The following BCAS3 variants were observed in gnomAD, a reference collection of about 807,000 sequenced individuals.
BCAS3 encodes BCAS4/BCAS3 fusion.
In BCAS3, 53 loss-of-function variants were observed where a neutral mutation model predicts 116.1. The observed-to-expected ratio is 0.46, with a 90% CI of 0.37 to 0.57. The LOEUF (loss-of-function observed/expected upper bound fraction) is 0.57, where lower values mean the gene tolerates loss of function less well. BCAS3 is among the 20% of genes least tolerant of loss of function. The pLI is 0.00. For missense variants in BCAS3, 917 were observed against 1,165.4 expected (o/e 0.79, Z 3.10); for synonymous variants, 391 against 408.2 (o/e 0.96, Z 0.51).
chr17:60,809,472 A>AC (rs2048593024), intron 7 of BCAS3, among the ~76,000 whole-genome samples: 2 of 151,992 alleles, frequency 1.3e-5, no homozygotes, highest in South Asian at 4.2e-4. Flanking sequence ...CTCCTGTCCC[A>AC]CTCCACACTT....
intron 22 of BCAS3, among the ~76,000 whole-genome samples, chr17:61,292,118 A>G (rs923206791): frequency 6.6e-6 from 1 of 152,082 alleles, no homozygotes; most frequent in Non-Finnish European, 1.5e-5. Context: ...TGCCACATGT[A>G]ACGTGGAGCA....
chr17:61,308,943 C>A (rs1012429114), intron 22 of BCAS3, among the ~76,000 whole-genome samples: 1 of 152,072 alleles, frequency 6.6e-6, no homozygotes, highest in African/African-American at 2.4e-5. Context: ...AGTTTATGTA[C>A]CAAAGTATAA....
At chr17:61,114,771 C>T (rs113904671) in intron 22 of BCAS3, among the ~76,000 whole-genome samples, 13 of 149,614 alleles carry the variant, frequency 8.7e-5, no homozygotes, top group African/African-American at 2.4e-4. Context: ...AAAAAGAGCC[C>T]GCATCGCCAA....
In BCAS3 at chr17:61,259,582, T is replaced by A. The variant is rs1403467444; in HGVS notation, c.2426-108745T>A. On this transcript the variant is annotated intron_variant, in intron 22 of 23. Transcript: ENST00000407086. This position sits in a 1 kb window ranked among gnomAD's most constrained non-coding sequence, Gnocchi z 4.7. ...AAGTTGGTCAACAGAAGAATTTTAA[T>A]GAAGCCATTTAAGTGTTCCAGCCAC... Among the ~76,000 whole-genome samples the A allele has an allele frequency of 6.6e-6, 1 of 152,244 alleles. No individual in the cohort carries two copies. The highest frequency in any genetic ancestry group is 2.1e-4 in the South Asian group (1 of 4,836).
At chr17:60,996,469 A>T (rs1384013633) in intron 15 of BCAS3, among the ~76,000 whole-genome samples, 1 of 152,176 alleles carries the variant, frequency 6.6e-6, no homozygotes, top group East Asian at 1.9e-4. Flanking sequence ...AAGACTTTTA[A>T]CCTAAACATC....
chr17:61,101,801 T>TC (rs1652297393), intron 22 of BCAS3, among the ~76,000 whole-genome samples: 1 of 152,140 alleles, frequency 6.6e-6, no homozygotes, highest in Admixed American at 6.6e-5. Context: ...ATATTTGGCT[T>TC]TTTAATAAAT....
chr17:60,861,314 A>G (rs1456649232), intron 7 of BCAS3, among the ~76,000 whole-genome samples: 2 of 152,198 alleles, frequency 1.3e-5, no homozygotes, highest in Non-Finnish European at 2.9e-5. Context: ...ATGTATAGAC[A>G]TGCTGTTGAT....
Position 61,148,765 on chromosome 17 carries a change from C to CA in BCAS3, c.2425+64206dup, listed in dbSNP as rs1372491895. On this transcript the variant is annotated intron_variant, in intron 22 of 23. Transcript: ENST00000407086. ...AATCTACTGCAGGTCTGTCTCCCTC[C>CA]AAAAACTATGTTGTTATTGCGCTTC... Among the ~76,000 whole-genome samples the CA allele has an allele frequency of 5.9e-5, 9 of 152,294 alleles. No homozygotes were observed. In the South Asian group the frequency reaches 1.0e-3, roughly 18 times the overall value.
chr17:60,874,718 C>A lies in BCAS3; in HGVS notation c.641C>A (p.Thr214Lys). 6.2e-7 allele frequency: 1 copy of A among 1,610,342 alleles called. No individual in the cohort carries two copies. Among genetic ancestry groups the A allele is most frequent in the Non-Finnish European group, 8.5e-7 (1 of 1,178,016 alleles). ...GCTGCCTTTGATAGCTGTACTTTCA[C>A]GAAGAAATTCTTTGTTACAAGTATG... ...KIAAFDSCTF[T>K]KKFFVTSCYP... is the part of the protein sequence containing the mutation. The change falls in exon 9 of 24, where the codon ACG becomes AAG. Residue 214 changes from threonine (T) to lysine (K), a missense_variant. By Grantham distance (78) the Thr-to-Lys change is moderately conservative. This residue lies in a region of BCAS3 where 807 missense variants were observed against 1,026.0 expected (regional missense o/e 0.79). Coordinates refer to ENST00000407086, the MANE Select transcript of BCAS3 (RefSeq NM_017679.5).
intron 22 of BCAS3, among the ~76,000 whole-genome samples, chr17:61,296,132 C>T (rs1461288092): frequency 6.6e-6 from 1 of 152,108 alleles, no homozygotes; most frequent in African/African-American, 2.4e-5. Context: ...TTCTTCCTAG[C>T]GACATAGAAT....
At chr17:60,733,902 T>C (rs141320313) in intron 5 of BCAS3, among the ~76,000 whole-genome samples, 1 of 150,852 alleles carries the variant, frequency 6.6e-6, no homozygotes, top group African/African-American at 2.5e-5. Context: ...TTATATATTT[T>C]AGATAACAGT....
intron 22 of BCAS3, among the ~76,000 whole-genome samples, chr17:61,298,874 G>A (rs1490472483): frequency 2.6e-5 from 4 of 151,690 alleles, no homozygotes; most frequent in African/African-American, 9.7e-5. Flanking sequence ...CTAGGCTGGA[G>A]TGCAGTGGCG....
At position 61,279,010 on chromosome 17, in the gene BCAS3, G is replaced by A. The variant is rs117401466; in HGVS notation, c.2426-89317G>A. The stretch of plus-strand genomic sequence containing the variant: ...TTGTCACCCAGGCTGGAGTACAGTG[G>A]CATGTCTGGGCTCACTGCAACCTCC... On this transcript the variant is annotated intron_variant, in intron 22 of 23. Coordinates refer to ENST00000407086, the MANE Select transcript of BCAS3 (RefSeq NM_017679.5). This position sits in a 1 kb window ranked among gnomAD's most constrained non-coding sequence, Gnocchi z 4.4. Among the ~76,000 whole-genome samples, 1,162 of 151,488 alleles carry A rather than the reference G, an allele frequency of 7.7e-3. 8 individuals carry two copies. The highest frequency in any genetic ancestry group is 0.048 in the Middle Eastern group (14 of 294).
At position 61,078,631 on chromosome 17, in the gene BCAS3, A is replaced by G. The variant is rs1021636541; in HGVS notation, c.2327+102A>G. The G allele has an allele frequency of 3.0e-6, 3 of 992,838 alleles. No individual in the cohort carries two copies. The African/African-American group carries it at 4.9e-5, about 16-fold the overall frequency. 61.5% of individuals were successfully genotyped at this position (992,838 alleles called of 1,614,324 possible). A position where few individuals can be genotyped will look rare whatever the true frequency, so the allele number is the denominator to read the frequency against. ...TTTAGGTTTCCCCTTTTGGCACAGT[A>G]TCATGTTGCAGACTACATGTACTGT... On this transcript the variant is annotated intron_variant, in intron 21 of 23. Transcript: ENST00000407086.
intron 22 of BCAS3, among the ~76,000 whole-genome samples, chr17:61,201,507 T>C (rs2144281836): frequency 6.6e-6 from 1 of 152,320 alleles, no homozygotes; most frequent in South Asian, 2.1e-4. Flanking sequence ...TTCATTTATT[T>C]TGGGGGATAC....
intron 22 of BCAS3, among the ~76,000 whole-genome samples, chr17:61,253,055 T>C (rs1010407554): frequency 1.3e-5 from 2 of 151,200 alleles, no homozygotes; most frequent in African/African-American, 4.9e-5. Flanking sequence ...TTGTATTTTG[T>C]AGTAGGGATG....
At chr17:60,991,485 T>C (rs1010884967) in intron 15 of BCAS3, among the ~76,000 whole-genome samples, 1 of 152,218 alleles carries the variant, frequency 6.6e-6, no homozygotes, top group African/African-American at 2.4e-5. Context: ...TCATTCTCAC[T>C]AGAACGACAG....
At chr17:61,075,402 A>G (rs1376994933) in intron 20 of BCAS3, among the ~76,000 whole-genome samples, 1 of 152,224 alleles carries the variant, frequency 6.6e-6, no homozygotes, top group Admixed American at 6.5e-5. Context: ...GCAACCTCCA[A>G]TTCCTGGTTT....
intron 22 of BCAS3, among the ~76,000 whole-genome samples, chr17:61,295,748 C>A (rs2052829347): frequency 6.7e-6 from 1 of 150,286 alleles, no homozygotes; most frequent in Non-Finnish European, 1.5e-5. Flanking sequence ...GTCAGGAGTT[C>A]AAGACCAGCC....
Sources: gnomAD v4.1 joint callset for allele counts (sites outside exome capture counted in the v4.1 genomes callset) on GRCh38, gnomAD v4.1.1 for gene constraint, gnomAD v4.1.1 regional missense constraint, Gnocchi (gnomAD v3.1) non-coding constraint, MANE v1.5 for transcripts, NCBI Gene and HGNC (gene_info 2026-07-23, HGNC 2026-07-21) for gene names.